The following CDH13 variants were observed in gnomAD, a reference collection of about 807,000 sequenced individuals.
CDH13 encodes the protein cadherin-13.
CDH13 carries 24 observed loss-of-function variants against 63.8 expected under a neutral mutation model. The ratio of observed to expected loss-of-function variants is 0.38; its 90% confidence interval spans 0.27 to 0.53. The LOEUF (loss-of-function observed/expected upper bound fraction) is 0.53. CDH13 is among the 20% of genes least tolerant of loss of function. The pLI, the probability that CDH13 is intolerant of heterozygous loss-of-function variation, is 0.85. For missense variants in CDH13, 1,049 were observed against 903.1 expected (o/e 1.16, Z -2.07); for synonymous variants, 503 against 355.3 (o/e 1.42, Z -4.67).
At chr16:83,144,767 A>C (rs146788500) in intron 4 of CDH13, among the ~76,000 whole-genome samples, 34 of 152,368 alleles carry the variant, frequency 2.2e-4, no homozygotes, top group African/African-American at 7.7e-4. Context: ...TGGGGATCCC[A>C]GATTCTGTGA....
intron 8 of CDH13, among the ~76,000 whole-genome samples, chr16:83,623,596 G>A (rs1968260): frequency 0.18 from 26,900 of 152,062 alleles, 2,460 homozygotes; most frequent in African/African-American, 0.21. Flanking sequence ...ATAGGAACAG[G>A]TGTCTTTGCT....
At chr16:82,731,801 C>G (rs576177557) in intron 1 of CDH13, among the ~76,000 whole-genome samples, 2 of 152,190 alleles carry the variant, frequency 1.3e-5, no homozygotes, top group African/African-American at 2.4e-5. Flanking sequence ...TGTTACTTAT[C>G]TTTGATATCA....
intron 1 of CDH13, among the ~76,000 whole-genome samples, chr16:82,679,678 G>A (rs1914331339): frequency 6.6e-6 from 1 of 152,152 alleles, no homozygotes; most frequent in Non-Finnish European, 1.5e-5. Flanking sequence ...CCTTGGTTAT[G>A]TATTCGTCGT....
intron 3 of CDH13, among the ~76,000 whole-genome samples, chr16:83,110,718 C>T (rs777822887): frequency 5.3e-5 from 8 of 152,076 alleles, no homozygotes; most frequent in Non-Finnish European, 1.2e-4. Context: ...ATCTCTGGAT[C>T]CAACCAGCTT....
At chr16:82,757,223 C>T (rs1184333657) in intron 1 of CDH13, among the ~76,000 whole-genome samples, 2 of 152,210 alleles carry the variant, frequency 1.3e-5, no homozygotes, top group East Asian at 1.9e-4. Context: ...ACCACCTTTC[C>T]ATGCCCCTGG....
chr16:83,225,252 T>C (rs767250802), intron 5 of CDH13, among the ~76,000 whole-genome samples: 1 of 152,184 alleles, frequency 6.6e-6, no homozygotes, highest in African/African-American at 2.4e-5. Flanking sequence ...TTGATGAAGA[T>C]GACCTTTGAA....
chr16:83,239,987 A>G (rs1488944574), intron 5 of CDH13, among the ~76,000 whole-genome samples: 2 of 152,168 alleles, frequency 1.3e-5, no homozygotes, highest in African/African-American at 4.8e-5. Context: ...CATGAGCTAT[A>G]CAAATATCTG....
intron 4 of CDH13, among the ~76,000 whole-genome samples, chr16:83,199,315 C>T (rs1308984163): frequency 6.6e-6 from 1 of 152,232 alleles, no homozygotes; most frequent in Non-Finnish European, 1.5e-5. Flanking sequence ...ATCAGCCCTG[C>T]TCCTTGAGGA....
At chr16:82,890,650 C>A (rs866645335) in intron 2 of CDH13, among the ~76,000 whole-genome samples, 6 of 139,262 alleles carry the variant, frequency 4.3e-5, no homozygotes. Flanking sequence ...GAGAGACATT[C>A]TTTTTTTTTT....
chr16:82,692,319 C>T (rs1028716651), intron 1 of CDH13, among the ~76,000 whole-genome samples: 12 of 152,250 alleles, frequency 7.9e-5, no homozygotes, highest in East Asian at 3.9e-4. Context: ...AAGACATACC[C>T]GAGGCTGGGA....
rs573204637 is a variant in CDH13, at chr16:82,801,653, C to T, written c.46-56709C>T. 2.6e-5 allele frequency among the ~76,000 whole-genome samples: 4 copies of T among 152,208 alleles called. No homozygotes were observed. The South Asian group carries it at 8.3e-4, about 32-fold the overall frequency. The stretch of plus-strand genomic sequence containing the variant: ...TCATTGAGGGAAGTACAAAGCTTAA[C>T]CGTAGACAGGAACCTGGAAATGCTG... On this transcript the variant is annotated intron_variant, in intron 1 of 13. Transcript: ENST00000567109.
rs545184317 is a variant in CDH13, at chr16:83,166,570, C to T, written c.483+41069C>T. ...TTCTGAGCCAGCTTCCATTGACATG[C>T]CATTTGATTAATTTATGTGGTTGGG... On this transcript the variant is annotated intron_variant, in intron 4 of 13. Transcript: ENST00000567109. 2.0e-5 allele frequency among the ~76,000 whole-genome samples: 3 copies of T among 152,184 alleles called. No individual in the cohort carries two copies. The East Asian group carries it at 5.8e-4, about 29-fold the overall frequency.
At chr16:82,865,466 C>A (rs1422160654) in intron 2 of CDH13, among the ~76,000 whole-genome samples, 7 of 152,326 alleles carry the variant, frequency 4.6e-5, no homozygotes, top group African/African-American at 1.7e-4. Flanking sequence ...CCTGCAGGCC[C>A]AACACCACGT....
intron 8 of CDH13, among the ~76,000 whole-genome samples, chr16:83,659,987 A>G (rs1227281445): frequency 3.3e-5 from 5 of 151,890 alleles, no homozygotes; most frequent in Admixed American, 1.3e-4. Flanking sequence ...GGATTTCGCC[A>G]TATTAGTCAG....
intron 7 of CDH13, among the ~76,000 whole-genome samples, chr16:83,521,585 G>A: frequency 6.6e-6 from 1 of 152,212 alleles, no homozygotes; most frequent in East Asian, 1.9e-4. Flanking sequence ...GTTTTAAAGG[G>A]ATGTAAAAGT....
intron 6 of CDH13, among the ~76,000 whole-genome samples, chr16:83,454,943 C>G (rs1390434292): frequency 6.6e-6 from 1 of 152,122 alleles, no homozygotes; most frequent in Non-Finnish European, 1.5e-5. Flanking sequence ...CTCCTGACCT[C>G]AAGTGATCCA....
At chr16:83,461,626 A>G (rs560261844) in intron 6 of CDH13, among the ~76,000 whole-genome samples, 2 of 152,236 alleles carry the variant, frequency 1.3e-5, no homozygotes, top group Admixed American at 1.3e-4. Context: ...GCTAATTTCC[A>G]CTCTAGGAAG....
Position 82,887,061 on chromosome 16 carries a change from A to T in CDH13, c.157+28588A>T, listed in dbSNP as rs973171084. 2.6e-5 allele frequency among the ~76,000 whole-genome samples: 4 copies of T among 152,318 alleles called. No individual in the cohort carries two copies. The East Asian group carries it at 7.7e-4, about 29-fold the overall frequency. Reference sequence around the variant, plus strand: ...CATATCTGTGTAGGTTTCTCACCCTAGAAGCCTCCTTTTAAATAGGGCAAA... The same window carrying T: ...CATATCTGTGTAGGTTTCTCACCCTTGAAGCCTCCTTTTAAATAGGGCAAA... On this transcript the variant is annotated intron_variant, in intron 2 of 13. Transcript: ENST00000567109.
chr16:83,210,906 T>C (rs1052613775), intron 4 of CDH13, among the ~76,000 whole-genome samples: 3 of 150,916 alleles, frequency 2.0e-5, no homozygotes, highest in African/African-American at 7.3e-5. Flanking sequence ...TCCGAGCACT[T>C]TGGGAGGCCG....
Sources: gnomAD v4.1 joint callset for allele counts (sites outside exome capture counted in the v4.1 genomes callset) on GRCh38, gnomAD v4.1.1 for gene constraint, MANE v1.5 for transcripts, NCBI Gene and HGNC (gene_info 2026-07-23, HGNC 2026-07-21) for gene names.